Variants in CAMK1D observed in about 807,000 individuals in gnomAD.
CAMK1D encodes the protein calcium/calmodulin dependent protein kinase ID, also known as calcium/calmodulin-dependent protein kinase type 1D.
Under a neutral mutation model 47.7 loss-of-function variants are expected in CAMK1D, and 9 were observed. That is an observed-to-expected ratio of 0.19 (90% confidence interval 0.11 to 0.33). CAMK1D has a LOEUF of 0.33. CAMK1D is among the 10% of genes least tolerant of loss of function. The pLI is 1.00. For missense variants in CAMK1D, 291 were observed against 488.7 expected, an observed-to-expected ratio of 0.60 and a Z score of 3.81; for synonymous variants, 184 against 184.9, an observed-to-expected ratio of 0.99 and a Z score of 0.04.
At chr10:12,424,656 C>T (rs1181176317) in intron 1 of CAMK1D, among the ~76,000 whole-genome samples, 1 of 152,106 alleles carries the variant, frequency 6.6e-6, no homozygotes, top group East Asian at 1.9e-4. Flanking sequence ...GTTTAAAACC[C>T]ATCAGGGCTG....
At chr10:12,790,736 A>G (rs1354487209) in intron 5 of CAMK1D, among the ~76,000 whole-genome samples, 1 of 152,056 alleles carries the variant, frequency 6.6e-6, no homozygotes, top group Non-Finnish European at 1.5e-5. Context: ...CATACCTATA[A>G]TCCCAGCATT....
intron 8 of CAMK1D, among the ~76,000 whole-genome samples, chr10:12,817,272 A>G (rs913123672): frequency 2.0e-5 from 3 of 152,228 alleles, no homozygotes; most frequent in African/African-American, 7.2e-5. Flanking sequence ...GTCTTTAAAG[A>G]TATTGAAGAT....
chr10:12,599,698 TG>T (rs1298985842), intron 2 of CAMK1D, among the ~76,000 whole-genome samples: 1 of 152,236 alleles, frequency 6.6e-6, no homozygotes, highest in African/African-American at 2.4e-5. Context: ...TGGTGTTTTC[TG>T]AGCATTTGTG....
chr10:12,791,570 C>T (rs1451579403), intron 6 of CAMK1D, among the ~76,000 whole-genome samples: 1 of 152,184 alleles, frequency 6.6e-6, no homozygotes, highest in East Asian at 1.9e-4. Flanking sequence ...AGTGGAATCA[C>T]ACAGTATCCA....
intron 1 of CAMK1D, among the ~76,000 whole-genome samples, chr10:12,436,771 G>A (rs755209481): frequency 8.5e-5 from 13 of 152,156 alleles, no homozygotes; most frequent in Admixed American, 2.6e-4. Flanking sequence ...CAGGATCTAT[G>A]GTATTTTTAG....
At chr10:12,431,612 T>C (rs1832478537) in intron 1 of CAMK1D, among the ~76,000 whole-genome samples, 1 of 152,174 alleles carries the variant, frequency 6.6e-6, no homozygotes, top group Non-Finnish European at 1.5e-5. Context: ...GTGGAGCACC[T>C]GAGGAACCCA....
intron 1 of CAMK1D, 77 bp from the exon 2 acceptor site, chr10:12,553,148 C>T (rs2895524): frequency 0.33 from 527,771 of 1,597,518 alleles, 91,436 homozygotes; most frequent in Non-Finnish European, 0.36. Flanking sequence ...ACTCAAACTT[C>T]GGTGGTAGGG....
rs185038002 is a variant in CAMK1D at position 12,527,619 on chromosome 10, G to T, written c.93-25606G>T. 6.6e-5 allele frequency among the ~76,000 whole-genome samples: 10 copies of T among 152,074 alleles called. No homozygotes were observed. The East Asian group carries it at 1.7e-3, about 26-fold the overall frequency. On this transcript the variant is annotated intron_variant, in intron 1 of 10. Transcript: ENST00000619168. Reference sequence around the variant, plus strand: ...TCCAACTCCTGACCTCAAATGATCCGCCTGCCTCGGCTTCCCGAATTGCTG... The same window carrying T: ...TCCAACTCCTGACCTCAAATGATCCTCCTGCCTCGGCTTCCCGAATTGCTG...
chr10:12,590,754 A>G (rs1301686022), intron 2 of CAMK1D, among the ~76,000 whole-genome samples: 1 of 152,202 alleles, frequency 6.6e-6, no homozygotes, highest in East Asian at 1.9e-4. Flanking sequence ...AGAAGCAGAA[A>G]ATTTTAGAAC....
intron 2 of CAMK1D, among the ~76,000 whole-genome samples, chr10:12,571,457 A>AG (rs1373931444): frequency 4.1e-5 from 6 of 147,754 alleles, no homozygotes; most frequent in Middle Eastern, 3.2e-3. Flanking sequence ...CCATCACAAA[A>AG]AAAAAAAAAA....
chr10:12,375,496 C>T (rs1004634492), intron 1 of CAMK1D, among the ~76,000 whole-genome samples: 2 of 152,202 alleles, frequency 1.3e-5, no homozygotes, highest in African/African-American at 4.8e-5. Context: ...TTTTCCTTGG[C>T]TGCCACATTG....
At chr10:12,716,479 G>T (rs1834141896) in intron 3 of CAMK1D, among the ~76,000 whole-genome samples, 2 of 152,174 alleles carry the variant, frequency 1.3e-5, no homozygotes, top group Admixed American at 6.5e-5. Context: ...GAGCCAATTT[G>T]TTCAAAAGCC....
intron 2 of CAMK1D, among the ~76,000 whole-genome samples, chr10:12,557,272 G>A (rs550334736): frequency 2.0e-3 from 302 of 152,250 alleles, no homozygotes; most frequent in African/African-American, 6.8e-3. Flanking sequence ...AGTCCTGGCC[G>A]GGTGCCACGG....
intron 1 of CAMK1D, among the ~76,000 whole-genome samples, chr10:12,531,591 A>G (rs1437033156): frequency 6.6e-6 from 1 of 152,232 alleles, no homozygotes; most frequent in Non-Finnish European, 1.5e-5. Flanking sequence ...ATCACAGTGG[A>G]ACGGATCCAA....
chr10:12,352,165 GT>G (rs1341314810), intron 1 of CAMK1D, among the ~76,000 whole-genome samples: 1 of 152,178 alleles, frequency 6.6e-6, no homozygotes, highest in African/African-American at 2.4e-5. Context: ...TAACTATTAA[GT>G]GGCGGAGCTG....
At chr10:12,691,732 TG>T (rs1832939143) in intron 3 of CAMK1D, among the ~76,000 whole-genome samples, 1 of 152,086 alleles carries the variant, frequency 6.6e-6, no homozygotes, top group Non-Finnish European at 1.5e-5. Context: ...ATTACAAGCA[TG>T]AGCCACCGCA....
chr10:12,631,629 C>A (rs935904955), intron 2 of CAMK1D, among the ~76,000 whole-genome samples: 8 of 151,970 alleles, frequency 5.3e-5, no homozygotes, highest in African/African-American at 1.9e-4. Flanking sequence ...TTGAGTAGCA[C>A]CCTTTCTGCA....
Position 12,668,917 on chromosome 10 carries a change from A to AAAAAAAC in CAMK1D, c.299+2126_299+2132dup, listed in dbSNP as rs961543711. ...TTCCTCTTTCTTTTGTGTTAAGAAA[A>AAAAAAAC]AAAAAACAAAAAACAAAAAACAAAA... On this transcript the variant is annotated intron_variant, in intron 3 of 10. Coordinates refer to ENST00000619168, the MANE Select transcript of CAMK1D (RefSeq NM_153498.4). Among the ~76,000 whole-genome samples the AAAAAAAC allele has an allele frequency of 6.6e-5, 10 of 152,118 alleles. No individual in the cohort carries two copies. The South Asian group carries it at 1.9e-3, about 28-fold the overall frequency.
At chr10:12,559,236 T>C (rs1362439742) in intron 2 of CAMK1D, among the ~76,000 whole-genome samples, 2 of 151,878 alleles carry the variant, frequency 1.3e-5, no homozygotes, top group Non-Finnish European at 2.9e-5. Context: ...AGCCGAGGAG[T>C]TTGAGGCTGT....
Sources: gnomAD v4.1 joint callset for allele counts (sites outside exome capture counted in the v4.1 genomes callset) on GRCh38, gnomAD v4.1.1 for gene constraint, MANE v1.5 for transcripts, NCBI Gene and HGNC (gene_info 2026-07-23, HGNC 2026-07-21) for gene names.